ROBO2: variants seen among roughly 807,000 people sequenced by gnomAD.
ROBO2 encodes the protein roundabout homolog 2.
Under a neutral mutation model 160.8 loss-of-function variants are expected in ROBO2, and 53 were observed. The observed-to-expected ratio is 0.33, with a 90% CI of 0.26 to 0.41. The LOEUF is 0.41. ROBO2 is among the 10% of genes least tolerant of loss of function. The pLI, the probability that ROBO2 is intolerant of heterozygous loss-of-function variation, is 1.00. For synonymous variants in ROBO2, 664 were observed against 611.7 expected (o/e 1.09, Z -1.26); for missense variants, 1,577 against 1,722.4 (o/e 0.92, Z 1.49).
intron 2 of ROBO2, among the ~76,000 whole-genome samples, chr3:76,916,144 T>G (rs545047198): frequency 6.6e-6 from 1 of 152,306 alleles, no homozygotes; most frequent in Non-Finnish European, 1.5e-5. Context: ...TATAAAATGT[T>G]GCAGAAGATA....
intron 7 of ROBO2, among the ~76,000 whole-genome samples, chr3:77,549,825 C>T (rs1055083902): frequency 5.3e-5 from 8 of 151,866 alleles, no homozygotes; most frequent in South Asian, 2.1e-4. Flanking sequence ...CTGATTGCAA[C>T]GTATTGAAAC....
intron 4 of ROBO2, among the ~76,000 whole-genome samples, 155 bp downstream of exon 4, chr3:77,481,374 T>C (rs2084670906): frequency 6.6e-6 from 1 of 152,248 alleles, no homozygotes; most frequent in Non-Finnish European, 1.5e-5. Flanking sequence ...TCTGTCTTTC[T>C]AATGAAAGCT....
chr3:76,946,946 C>T (rs190740768), intron 2 of ROBO2, among the ~76,000 whole-genome samples: 4 of 152,188 alleles, frequency 2.6e-5, no homozygotes, highest in South Asian at 2.1e-4. Context: ...TCTTTCTTTC[C>T]GTAATGTCCA....
chr3:76,492,111 C>T (rs1352367392), intron 2 of ROBO2, among the ~76,000 whole-genome samples: 1 of 151,644 alleles, frequency 6.6e-6, no homozygotes, highest in African/African-American at 2.4e-5. Context: ...AGCAAGACGC[C>T]ATCTCAAAAA....
intron 2 of ROBO2, among the ~76,000 whole-genome samples, chr3:76,328,784 G>A (rs866641965): frequency 1.3e-5 from 2 of 151,834 alleles, no homozygotes; most frequent in Non-Finnish European, 2.9e-5. Flanking sequence ...GCGTGAACCC[G>A]GGAGGCGGAC....
intron 2 of ROBO2, among the ~76,000 whole-genome samples, chr3:76,497,252 G>A (rs549484098): frequency 2.5e-4 from 38 of 152,286 alleles, no homozygotes; most frequent in Non-Finnish European, 4.1e-4. Flanking sequence ...CTGAAGTGCA[G>A]TGGTGTGATC....
intron 2 of ROBO2, among the ~76,000 whole-genome samples, chr3:76,792,323 A>T (rs2063412038): frequency 1.3e-5 from 2 of 151,854 alleles, no homozygotes; most frequent in African/African-American, 4.8e-5. Flanking sequence ...ATTATGCTAT[A>T]TTGAATGTTT....
rs375024006 is a variant in ROBO2 at position 77,522,919 on chromosome 3, G to A, written c.934+17G>A. The A allele has an allele frequency of 3.7e-6, 6 of 1,608,262 alleles. No homozygotes were observed. In the African/African-American group the frequency reaches 8.1e-5, roughly 22 times the overall value. On this transcript the variant is annotated intron_variant, in intron 6 of 25. Transcript: ENST00000461745. ...CCGTCCGAGGTAAGAGATTTAAGAT[G>A]TCAAAGATAATTGAACCAGGAGACT...
chr3:76,073,478 A>G (rs2068539336), intron 2 of ROBO2, among the ~76,000 whole-genome samples: 1 of 151,168 alleles, frequency 6.6e-6, no homozygotes, highest in African/African-American at 2.4e-5. Flanking sequence ...TTTTTAGTAG[A>G]GACGGGGTTT....
rs370708482 is a variant in ROBO2 at position 76,606,038 on chromosome 3, T to C, written c.110-491976T>C. 3.4e-4 allele frequency among the ~76,000 whole-genome samples: 52 copies of C among 152,260 alleles called. 1 individual carries two copies. In the East Asian group the frequency reaches 4.1e-3, roughly 12 times the overall value. Reference sequence around the variant, plus strand: ...ACACAATCATTTAACCACTAGGATGTATTGTATACATGCTCTATAAATTTT... The same window carrying C: ...ACACAATCATTTAACCACTAGGATGCATTGTATACATGCTCTATAAATTTT... On this transcript the variant is annotated intron_variant, in intron 2 of 26. Coordinates refer to the ROBO2 transcript ENST00000487694.
At chr3:77,494,994 G>C (rs6794832) in intron 5 of ROBO2, among the ~76,000 whole-genome samples, 17,643 of 152,224 alleles carry the variant, frequency 0.12, 1,067 homozygotes, top group East Asian at 0.17. Context: ...TAGTAGAAGA[G>C]GTTTGTAAAT....
chr3:76,921,797 G>A (rs781179551), intron 2 of ROBO2, among the ~76,000 whole-genome samples: 15 of 152,048 alleles, frequency 9.9e-5, no homozygotes, highest in Non-Finnish European at 2.2e-4. Flanking sequence ...TTCTGCCATA[G>A]TTCTAAAATA....
At chr3:76,732,163 G>A (rs911502468) in intron 2 of ROBO2, among the ~76,000 whole-genome samples, 3 of 152,220 alleles carry the variant, frequency 2.0e-5, no homozygotes, top group East Asian at 1.9e-4. Flanking sequence ...GTGAACCCCT[G>A]AGATTATTTT....
chr3:77,303,600 ATATAGGGG>A (rs1383488404), intron 2 of ROBO2, among the ~76,000 whole-genome samples: 2 of 152,150 alleles, frequency 1.3e-5, no homozygotes, highest in Non-Finnish European at 2.9e-5. Context: ...GGCAATTAAA[ATATAGGGG>A]TATCTTATAA....
chr3:77,321,779 A>C (rs2064729301), intron 2 of ROBO2, among the ~76,000 whole-genome samples: 1 of 152,212 alleles, frequency 6.6e-6, no homozygotes, highest in African/African-American at 2.4e-5. Context: ...GCAAGCGGCA[A>C]GTGAACCGAG....
intron 2 of ROBO2, among the ~76,000 whole-genome samples, chr3:76,836,358 T>C (rs566545808): frequency 9.2e-5 from 14 of 151,830 alleles, no homozygotes; most frequent in African/African-American, 3.4e-4. Flanking sequence ...TTTTTTAACA[T>C]GCTTAATTTT....
intron 2 of ROBO2, among the ~76,000 whole-genome samples, chr3:76,949,152 A>AG (rs2078803404): frequency 6.6e-6 from 1 of 151,586 alleles, no homozygotes; most frequent in South Asian, 2.1e-4. Context: ...AAATGTGCTT[A>AG]GTTTATAGTA....
chr3:76,449,115 T>C (rs917240306), intron 2 of ROBO2, among the ~76,000 whole-genome samples: 3 of 152,060 alleles, frequency 2.0e-5, no homozygotes, highest in Non-Finnish European at 4.4e-5. Context: ...TGGAACAGGG[T>C]TCTCCAAAAC....
chr3:76,312,339 A>T (rs2071648945), intron 2 of ROBO2, among the ~76,000 whole-genome samples: 1 of 152,210 alleles, frequency 6.6e-6, no homozygotes, highest in Non-Finnish European at 1.5e-5. Context: ...CAAGAGAAGC[A>T]TGTATATTAT....
Sources: gnomAD v4.1 joint callset for allele counts (sites outside exome capture counted in the v4.1 genomes callset) on GRCh38, gnomAD v4.1.1 for gene constraint, MANE v1.5 for transcripts, NCBI Gene and HGNC (gene_info 2026-07-23, HGNC 2026-07-21) for gene names.